Variants in PPP1R1C observed in about 807,000 individuals in gnomAD.
The protein encoded by PPP1R1C is protein phosphatase 1 regulatory inhibitor subunit 1C, also known as protein phosphatase 1 regulatory subunit 1C.
PPP1R1C carries 15 observed loss-of-function variants against 17.4 expected under a neutral mutation model. The observed-to-expected ratio is 0.86, with a 90% CI of 0.58 to 1.33. The LOEUF (loss-of-function observed/expected upper bound fraction) is 1.33. Ranked by LOEUF, PPP1R1C falls within the 40% of genes most tolerant of loss-of-function variation. The pLI is 0.00. For synonymous variants in PPP1R1C, 35 were observed against 43.1 expected, an observed-to-expected ratio of 0.81 and a Z score of 0.73; for missense variants, 143 against 130.0, an observed-to-expected ratio of 1.10 and a Z score of -0.48.
At chr2:182,063,475 G>A (rs1687901764) in intron 3 of PPP1R1C, among the ~76,000 whole-genome samples, 1 of 151,966 alleles carries the variant, frequency 6.6e-6, no homozygotes, top group African/African-American at 2.4e-5. Flanking sequence ...TATTAGGTGG[G>A]AAAGTAAAAT....
Position 181,961,071 on chromosome 2 carries a change from G to A in PPP1R1C, n.111+6437G>A, listed in dbSNP as rs1684772021. 3.9e-6 allele frequency: 2 copies of A among 518,444 alleles called. No individual in the cohort carries two copies. Among genetic ancestry groups the A allele is most frequent in the Non-Finnish European group, 6.9e-6 (2 of 288,322 alleles). The allele number at this position is 518,444 out of a possible 1,614,324, so 32.1% of individuals were successfully genotyped here. A position where few individuals can be genotyped will look rare whatever the true frequency, so the allele number is the denominator to read the frequency against. On this transcript the variant is annotated intron_variant and non_coding_transcript_variant, in intron 1 of 5. Transcript: ENST00000464264. The surrounding 1 kb of genome is among the most constrained non-coding windows in gnomAD (Gnocchi z 5.8). Reference sequence around the variant, plus strand: ...AGAAGAGGGACAACTGCAAAATAAAGGCTGTAACAGGAGCGTGTGTCACAT... The same window carrying A: ...AGAAGAGGGACAACTGCAAAATAAAAGCTGTAACAGGAGCGTGTGTCACAT...
chr2:182,121,672 G>C (rs1388955392), downstream of PPP1R1C, among the ~76,000 whole-genome samples: 20 of 151,698 alleles, frequency 1.3e-4, no homozygotes, highest in Non-Finnish European at 1.5e-5. Context: ...TTGTTTGTTT[G>C]TTTTGTATTT....
In PPP1R1C at chr2:181,992,674, C is replaced by T. The variant is rs535179941; in HGVS notation, c.142+4775C>T. Among the ~76,000 whole-genome samples the T allele has an allele frequency of 1.5e-3, 204 of 134,394 alleles. 36 individuals carry two copies. Among genetic ancestry groups the T allele is most frequent in the African/African-American group, 5.4e-3 (194 of 36,084 alleles). The allele number at this position is 134,394 out of a possible 152,430, so 88.2% of individuals were successfully genotyped here. ...CACTGTACATCTAAAAAGTGGAATC[C>T]GAAGCATAAGGTAAAATAGTTTTTT... is the stretch of plus-strand genomic sequence containing the variant. On this transcript the variant is annotated intron_variant, in intron 2 of 4. Transcript: ENST00000682840.
rs1410448964 is a variant in PPP1R1C at position 181,961,494 on chromosome 2, G to A, written n.111+6860G>A. 5.3e-6 allele frequency: 6 copies of A among 1,129,726 alleles called. No individual in the cohort carries two copies. In the Admixed American group the frequency reaches 9.9e-5, roughly 19 times the overall value. 70.0% of individuals were successfully genotyped at this position (1,129,726 alleles called of 1,614,324 possible). ...GCTGCTCCATCTGCAGGGTGTAGCGGGCCTCCACCTCCCTCAGGCTGTTCT... is the reference window on the plus strand; with the variant it reads ...GCTGCTCCATCTGCAGGGTGTAGCGAGCCTCCACCTCCCTCAGGCTGTTCT... On this transcript the variant is annotated intron_variant and non_coding_transcript_variant, in intron 1 of 5. Coordinates refer to the PPP1R1C transcript ENST00000464264. The surrounding 1 kb of genome is among the most constrained non-coding windows in gnomAD (Gnocchi z 5.8).
At chr2:182,124,327 GTTTTTTTTTTTGT>G (rs1689817520) in intron 5 of PPP1R1C, among the ~76,000 whole-genome samples, 6 of 83,000 alleles carry the variant, frequency 7.2e-5, no homozygotes, top group African/African-American at 2.4e-4. Context: ...TTTTTTTTTT[GTTTTTTTTTTTGT>G]TTTTTTTTTT....
chr2:182,000,696 G>T lies in PPP1R1C; in HGVS notation c.142+12797G>T, dbSNP rs183652857. ...GCTATCTAGGTTTTAAGACCAACTAGAAGTAAGCCATTAAAGGTGAACAAG... is the reference window on the plus strand; with the variant it reads ...GCTATCTAGGTTTTAAGACCAACTATAAGTAAGCCATTAAAGGTGAACAAG... On this transcript the variant is annotated intron_variant, in intron 2 of 4. Transcript: ENST00000682840. 2.2e-3 allele frequency among the ~76,000 whole-genome samples: 330 copies of T among 152,264 alleles called. 3 individuals carry two copies. The highest frequency in any genetic ancestry group is 2.7e-3 in the Non-Finnish European group (186 of 68,014).
chr2:181,961,680 C>A lies in PPP1R1C; in HGVS notation n.111+7046C>A, dbSNP rs1684796911. On this transcript the variant is annotated intron_variant and non_coding_transcript_variant, in intron 1 of 5. Transcript: ENST00000464264. This position sits in a 1 kb window ranked among gnomAD's most constrained non-coding sequence, Gnocchi z 5.8. Reference sequence around the variant, plus strand: ...CAATCTGCTGAGACCAGCACTTGTCCAGCTCCTCTCAGTTCTTTCGAGTCA... The same window carrying A: ...CAATCTGCTGAGACCAGCACTTGTCAAGCTCCTCTCAGTTCTTTCGAGTCA... The A allele has an allele frequency of 1.3e-6, 1 of 765,232 alleles. No homozygotes were observed. The highest frequency in any genetic ancestry group is 2.3e-6 in the Non-Finnish European group (1 of 425,624). The allele number at this position is 765,232 out of a possible 1,614,324, so 47.4% of individuals were successfully genotyped here.
At chr2:182,086,716 A>G (rs949639607) in intron 4 of PPP1R1C, among the ~76,000 whole-genome samples, 2 of 152,218 alleles carry the variant, frequency 1.3e-5, no homozygotes, top group African/African-American at 4.8e-5. Context: ...TAAGAATTAA[A>G]ACTATAAGGC....
At chr2:181,992,143 C>T (rs538529818) in intron 2 of PPP1R1C, among the ~76,000 whole-genome samples, 10 of 152,284 alleles carry the variant, frequency 6.6e-5, no homozygotes, top group South Asian at 2.1e-4. Context: ...CCCTGAGACT[C>T]GCTCCATTTT....
rs61015359 is a variant in PPP1R1C, at chr2:181,997,228, C to CA, written c.142+9346dup. Among the ~76,000 whole-genome samples the CA allele has an allele frequency of 5.2e-3, 534 of 102,682 alleles. 11 individuals are homozygous for CA. The East Asian group carries it at 0.07, about 13-fold the overall frequency. The allele number at this position is 102,682 out of a possible 152,430, so 67.4% of individuals were successfully genotyped here. A position where few individuals can be genotyped will look rare whatever the true frequency, so the allele number is the denominator to read the frequency against. On this transcript the variant is annotated intron_variant, in intron 2 of 4. Transcript: ENST00000682840. ...TGGGCGACAGAGCAAGACTCCGTCTCAAAAAAAAAAAAAAAAAGAAAAGAA... is the reference window on the plus strand; with the variant it reads ...TGGGCGACAGAGCAAGACTCCGTCTCAAAAAAAAAAAAAAAAAAGAAAAGAA...
intron 4 of PPP1R1C, among the ~76,000 whole-genome samples, chr2:182,079,217 G>A (rs1004993534): frequency 5.3e-5 from 8 of 152,104 alleles, no homozygotes; most frequent in East Asian, 3.8e-4. Context: ...ATAAATTCAC[G>A]TCTCTGATAG....
intron 4 of PPP1R1C, among the ~76,000 whole-genome samples, chr2:182,114,427 A>G (rs959438184): frequency 2.0e-5 from 3 of 152,236 alleles, no homozygotes; most frequent in African/African-American, 7.2e-5. Context: ...AATTAAACAC[A>G]AATTATACGT....
intron 4 of PPP1R1C, among the ~76,000 whole-genome samples, chr2:182,075,315 C>T (rs1040837469): frequency 6.6e-6 from 1 of 152,194 alleles, no homozygotes; most frequent in Non-Finnish European, 1.5e-5. Context: ...GTAATACCCA[C>T]AAGGCAACTC....
intron 2 of PPP1R1C, among the ~76,000 whole-genome samples, chr2:182,018,041 A>C (rs1686310456): frequency 6.6e-6 from 1 of 151,968 alleles, no homozygotes; most frequent in Non-Finnish European, 1.5e-5. Flanking sequence ...AATCAATAAT[A>C]GTTATTTCTA....
intron 2 of PPP1R1C, among the ~76,000 whole-genome samples, chr2:182,046,062 A>G (rs1380301685): frequency 6.6e-6 from 1 of 151,862 alleles, no homozygotes; most frequent in East Asian, 1.9e-4. Context: ...TATCTCATAT[A>G]GTTACTTTTT....
intron 2 of PPP1R1C, among the ~76,000 whole-genome samples, chr2:182,058,376 G>A (rs1054446104): frequency 6.6e-5 from 10 of 151,984 alleles, no homozygotes; most frequent in East Asian, 3.9e-4. Context: ...ATAAAGTCTC[G>A]TCTTCATAGC....
At chr2:182,033,479 T>C (rs1266364785) in intron 2 of PPP1R1C, among the ~76,000 whole-genome samples, 2 of 152,218 alleles carry the variant, frequency 1.3e-5, no homozygotes, top group African/African-American at 2.4e-5. Flanking sequence ...TGACTTCCTT[T>C]AACTTTCCAA....
intron 4 of PPP1R1C, among the ~76,000 whole-genome samples, chr2:182,113,656 G>GCCCTTA (rs1189712437): frequency 6.6e-6 from 1 of 151,302 alleles, no homozygotes; most frequent in Non-Finnish European, 1.5e-5. Context: ...AATTAAGGTT[G>GCCCTTA]CCCTTATACT....
At chr2:181,971,087 T>C (rs987605634) in intron 1 of PPP1R1C, among the ~76,000 whole-genome samples, 1 of 152,152 alleles carries the variant, frequency 6.6e-6, no homozygotes, top group Non-Finnish European at 1.5e-5. Flanking sequence ...GCTGTTTCCA[T>C]GCCACAAGAC....
Sources: gnomAD v4.1 joint callset for allele counts (sites outside exome capture counted in the v4.1 genomes callset) on GRCh38, gnomAD v4.1.1 for gene constraint, Gnocchi (gnomAD v3.1) non-coding constraint, MANE v1.5 for transcripts, NCBI Gene and HGNC (gene_info 2026-07-23, HGNC 2026-07-21) for gene names.